Variants in POPDC3 observed in about 807,000 individuals in gnomAD.
POPDC3 encodes the protein popeye domain cAMP effector 3.
In POPDC3, 20 loss-of-function variants were observed where a neutral mutation model predicts 28.2. That is an observed-to-expected ratio of 0.71 (90% CI 0.50 to 1.03). POPDC3 has a LOEUF of 1.03. Ranked by LOEUF, POPDC3 falls within the 50% of genes least tolerant of loss-of-function variation. The probability of loss-of-function intolerance (pLI) is 0.00; values close to 1 mark genes in which losing one functional copy is unlikely to be tolerated. For synonymous variants in POPDC3, 118 were observed against 124.1 expected (o/e 0.95, Z 0.33); for missense variants, 316 against 345.9 (o/e 0.91, Z 0.69).
intron 1 of POPDC3, among the ~76,000 whole-genome samples, chr6:105,165,296 T>C (rs947771791): frequency 3.9e-5 from 6 of 152,238 alleles, no homozygotes; most frequent in African/African-American, 1.4e-4. Context: ...CCCTATAAGT[T>C]CTTGTACTGT....
chr6:105,162,198 C>T (rs1774351468), intron 1 of POPDC3, 38 bp from the exon 2 acceptor site: 12 of 1,128,206 alleles, frequency 1.1e-5, no homozygotes, highest in Non-Finnish European at 1.3e-5. Flanking sequence ...TCTAATTAAA[C>T]AAAAAGGAGA....
At chr6:105,175,824 C>G (rs1385091990) in intron 1 of POPDC3, among the ~76,000 whole-genome samples, 1 of 151,856 alleles carries the variant, frequency 6.6e-6, no homozygotes. Context: ...CCTGGGGTGA[C>G]AGAGTGAGAC....
chr6:105,170,824 CAATA>C (rs766994464), intron 1 of POPDC3, among the ~76,000 whole-genome samples: 6 of 152,108 alleles, frequency 3.9e-5, no homozygotes, highest in Non-Finnish European at 7.4e-5. Flanking sequence ...TTAATAAAAA[CAATA>C]GCACAGTTAC....
chr6:105,179,411 A>G (rs1583000605), intron 1 of POPDC3, among the ~76,000 whole-genome samples: 2 of 152,194 alleles, frequency 1.3e-5, no homozygotes, highest in African/African-American at 4.8e-5. Context: ...GGCCCCTAGG[A>G]ACGGCTTTTC....
intron 2 of POPDC3, 113 bp from the exon 3 acceptor site, chr6:105,159,932 T>C: frequency 1.6e-6 from 1 of 635,922 alleles, no homozygotes; most frequent in Non-Finnish European, 2.7e-6. Flanking sequence ...TCTTGCCCTT[T>C]ATGATTTTGA....
chr6:105,167,195 G>A (rs181372818), intron 1 of POPDC3, among the ~76,000 whole-genome samples: 54 of 152,130 alleles, frequency 3.5e-4, no homozygotes, highest in Admixed American at 1.2e-3. Flanking sequence ...AAGGGTTGAA[G>A]ACATTTTGGG....
intron 2 of POPDC3, 107 bp from the exon 3 acceptor site, chr6:105,159,926 GC>G (rs1774283969): frequency 2.9e-6 from 2 of 682,068 alleles, no homozygotes; most frequent in Non-Finnish European, 5.1e-6. Flanking sequence ...GATGACTCTT[GC>G]CCTTTATGAT....
intron 1 of POPDC3, among the ~76,000 whole-genome samples, chr6:105,162,899 G>T (rs58133948): frequency 6.6e-6 from 1 of 152,134 alleles, no homozygotes; most frequent in Non-Finnish European, 1.5e-5. Flanking sequence ...TCTGATAATA[G>T]ATTATTCACT....
At chr6:105,175,552 T>TA (rs1403529678) in intron 1 of POPDC3, among the ~76,000 whole-genome samples, 2 of 147,666 alleles carry the variant, frequency 1.4e-5, no homozygotes, top group Non-Finnish European at 3.0e-5. Flanking sequence ...ATTAAAAAAA[T>TA]AAAAAATAGG....
Position 105,158,426 on chromosome 6 carries a change from AAG to A in POPDC3, c.*42_*43del, listed in dbSNP as rs763216966. 1.7e-5 allele frequency: 26 copies of A among 1,493,626 alleles called. No homozygotes were observed. Among genetic ancestry groups the A allele is most frequent in the African/African-American group, 5.6e-5 (4 of 71,588 alleles). 92.5% of individuals were successfully genotyped at this position (1,493,626 alleles called of 1,614,324 possible). The stretch of plus-strand genomic sequence containing the variant: ...TTTGCTATTTCACTGGGGAATGATG[AAG>A]AGAGAGTCTTTTTTTATACTTATAA... On this transcript the variant is annotated 3_prime_UTR_variant, in exon 4 of 4. Transcript: ENST00000254765.
At chr6:105,170,142 T>C (rs923405) in intron 1 of POPDC3, among the ~76,000 whole-genome samples, 124,667 of 152,072 alleles carry the variant, frequency 0.82, 51,883 homozygotes, top group Non-Finnish European at 0.88. Flanking sequence ...TGCCATTAGA[T>C]GGTTTTAAAT....
At chr6:105,159,929 C>A in intron 2 of POPDC3, 110 bp from the exon 3 acceptor site, 1 of 667,498 alleles carries the variant, frequency 1.5e-6, no homozygotes, top group Non-Finnish European at 2.6e-6. Context: ...GACTCTTGCC[C>A]TTTATGATTT....
In POPDC3 at chr6:105,158,560, T is replaced by G. The variant is rs759571147; in HGVS notation, c.786A>C (p.Leu262=). The G allele has an allele frequency of 3.7e-6, 6 of 1,614,008 alleles. No individual in the cohort carries two copies. In the Admixed American group the frequency reaches 1.0e-4, roughly 27 times the overall value. The change falls in exon 4 of 4, where the codon CTA becomes CTC. Residue 262 remains leucine (L), a synonymous_variant. Coordinates refer to ENST00000254765, the MANE Select transcript of POPDC3 (RefSeq NM_022361.5). ...GAGTTGACATTTGATAGAAGTTGGG[T>G]AGCCGAATATCATAGTGATATCTTT... ...IGKRYHYDIR[L]PNFYQMSTPE...
chr6:105,178,329 TAGTC>T (rs1347697406), intron 1 of POPDC3, among the ~76,000 whole-genome samples: 1 of 152,252 alleles, frequency 6.6e-6, no homozygotes, highest in Non-Finnish European at 1.5e-5. Context: ...TCAACCGTAT[TAGTC>T]AGTCTTGTGG....
chr6:105,174,166 A>G (rs1362234219), intron 1 of POPDC3, among the ~76,000 whole-genome samples: 3 of 152,098 alleles, frequency 2.0e-5, no homozygotes, highest in Non-Finnish European at 4.4e-5. Flanking sequence ...CTCACCCTCG[A>G]AAGTAACTGG....
chr6:105,177,282 C>T (rs189717005), intron 1 of POPDC3, among the ~76,000 whole-genome samples: 57 of 151,960 alleles, frequency 3.8e-4, no homozygotes, highest in Admixed American at 6.6e-4. Context: ...TAAAATGAAA[C>T]AGACAATGTA....
chr6:105,169,484 CAT>C (rs1165735283), intron 1 of POPDC3: 1 of 152,102 alleles, frequency 6.6e-6, no homozygotes, highest in Non-Finnish European at 1.5e-5. Flanking sequence ...CCTAGAATAC[CAT>C]GTTTTCATGG....
Position 105,158,333 on chromosome 6 carries a change from A to G in POPDC3, c.*137T>C. ...CAATGCAGTTGTTGAAAGGAATAAA[A>G]CAGTTGGCAATGGCATCTCGCTTCT... On this transcript the variant is annotated 3_prime_UTR_variant, in exon 4 of 4. Transcript: ENST00000254765. The G allele has an allele frequency of 1.5e-6, 1 of 680,450 alleles. No individual in the cohort carries two copies. The highest frequency in any genetic ancestry group is 2.4e-6 in the Non-Finnish European group (1 of 422,802). The allele number at this position is 680,450 out of a possible 1,614,324, so 42.2% of individuals were successfully genotyped here.
intron 1 of POPDC3, among the ~76,000 whole-genome samples, chr6:105,175,262 G>C (rs1035460875): frequency 6.6e-6 from 1 of 152,018 alleles, no homozygotes; most frequent in African/African-American, 2.4e-5. Flanking sequence ...ATTGGGGCTG[G>C]GTATAGTGGC....
Sources: gnomAD v4.1 joint callset for allele counts (sites outside exome capture counted in the v4.1 genomes callset) on GRCh38, gnomAD v4.1.1 for gene constraint, MANE v1.5 for transcripts, NCBI Gene and HGNC (gene_info 2026-07-23, HGNC 2026-07-21) for gene names.